The following CSMD2 variants were observed in gnomAD, a reference collection of about 807,000 sequenced individuals.
CSMD2 encodes the protein CUB and sushi domain-containing protein 2.
Under a neutral mutation model 398.5 loss-of-function variants are expected in CSMD2, and 130 were observed. That is an observed-to-expected ratio of 0.33 (90% CI 0.28 to 0.38). The LOEUF (loss-of-function observed/expected upper bound fraction) is 0.38. CSMD2 is among the 10% of genes least tolerant of loss of function. The pLI is 1.00. For missense variants in CSMD2, 3,829 were observed against 4,764.9 expected (o/e 0.80, Z 5.78); for synonymous variants, 1,828 against 1,908.5 (o/e 0.96, Z 1.10).
Position 33,772,705 on chromosome 1 carries a change from G to T in CSMD2, c.1710C>A (p.Gly570=). The T allele has an allele frequency of 1.2e-6, 2 of 1,614,040 alleles. No homozygotes were observed. The highest frequency in any genetic ancestry group is 8.5e-7 in the Non-Finnish European group (1 of 1,179,970). ...SCGDPGIPAY[G]RREGSRFHHG... is the part of the protein sequence containing the mutation. ...GGTGAAACCGGGAGCCTTCCCTCCGGCCATATGCAGGTATGCCAGGGTCAC... is the reference window on the plus strand; with the variant it reads ...GGTGAAACCGGGAGCCTTCCCTCCGTCCATATGCAGGTATGCCAGGGTCAC... Residue 570 remains glycine (G), a synonymous_variant, in exon 13 of 71, where the codon GGC becomes GGA. Coordinates refer to ENST00000373381, the MANE Select transcript of CSMD2 (RefSeq NM_001281956.2).
At chr1:33,688,504 A>C (rs1645129576) in intron 25 of CSMD2, among the ~76,000 whole-genome samples, 1 of 152,150 alleles carries the variant, frequency 6.6e-6, no homozygotes, top group Admixed American at 6.5e-5. Flanking sequence ...CGAGTTTATA[A>C]ATTTGTTTAA....
chr1:33,762,993 T>C (rs1650021270), intron 13 of CSMD2, among the ~76,000 whole-genome samples: 1 of 152,126 alleles, frequency 6.6e-6, no homozygotes, highest in African/African-American at 2.4e-5. Flanking sequence ...GAGGTCAACA[T>C]CCCACGGACC....
At chr1:33,956,762 A>G (rs548739284) in intron 3 of CSMD2, among the ~76,000 whole-genome samples, 1 of 152,104 alleles carries the variant, frequency 6.6e-6, no homozygotes, top group East Asian at 1.9e-4. Flanking sequence ...GGTCTAACTG[A>G]GCTCCCTGAT....
At chr1:33,616,652 G>A (rs559746322) in intron 39 of CSMD2, among the ~76,000 whole-genome samples, 4 of 152,296 alleles carry the variant, frequency 2.6e-5, no homozygotes, top group South Asian at 2.1e-4. Flanking sequence ...GAGCCAGAAC[G>A]GTCATCATCA....
At chr1:33,816,244 G>A (rs552943389) in intron 9 of CSMD2, among the ~76,000 whole-genome samples, 1 of 152,306 alleles carries the variant, frequency 6.6e-6, no homozygotes, top group African/African-American at 2.4e-5. Context: ...ATATATATAA[G>A]TTCCTGTTAA....
At chr1:34,101,979 T>C (rs1659991807) in intron 1 of CSMD2, among the ~76,000 whole-genome samples, 1 of 152,196 alleles carries the variant, frequency 6.6e-6, no homozygotes. Context: ...TATTGTTTTC[T>C]ACCTGGTTGT....
chr1:34,057,992 C>T (rs774863948), intron 2 of CSMD2, among the ~76,000 whole-genome samples: 1 of 152,124 alleles, frequency 6.6e-6, no homozygotes, highest in Non-Finnish European at 1.5e-5. Context: ...CTTGGCTTCT[C>T]CTGGCCTGAA....
chr1:33,615,931 G>A (rs983803387), intron 39 of CSMD2, among the ~76,000 whole-genome samples: 5 of 152,214 alleles, frequency 3.3e-5, no homozygotes, highest in South Asian at 2.1e-4. Flanking sequence ...TTAGGTTTCC[G>A]TTCCTGACTC....
intron 52 of CSMD2, among the ~76,000 whole-genome samples, chr1:33,568,580 G>A (rs939411585): frequency 1.3e-5 from 2 of 152,190 alleles, no homozygotes; most frequent in Non-Finnish European, 1.5e-5. Context: ...AAACAACTAT[G>A]TAAAAACAGA....
chr1:33,637,482 T>A (rs1240761645), intron 29 of CSMD2, among the ~76,000 whole-genome samples: 1 of 152,174 alleles, frequency 6.6e-6, no homozygotes, highest in Non-Finnish European at 1.5e-5. Flanking sequence ...AAGTCCCAAA[T>A]CTCTGGAGTA....
Position 33,611,067 on chromosome 1 carries a change from C to T in CSMD2, c.6317G>A (p.Arg2106Gln), listed in dbSNP as rs142970674. 6.8e-4 allele frequency: 1,095 copies of T among 1,613,886 alleles called. 3 individuals are homozygous for T. Among genetic ancestry groups the T allele is most frequent in the Middle Eastern group, 4.8e-3 (29 of 6,062 alleles). The change falls in exon 41 of 71, where the codon CGG becomes CAG. Residue 2106 changes from arginine to glutamine, a missense_variant. By Grantham distance (43) the Arg-to-Gln change is conservative. Around this residue, in one of 5 missense-constraint regions of CSMD2, gnomAD observed 2,001 missense variants for 2,567.1 expected, o/e 0.78. Transcript: ENST00000373381. ...VYFHSDHSQN[R>Q]PGFKLEYQAY... ...CTGATACTCCAGCTTGAATCCTGGC[C>T]GATTCTGGGAGTGGTCGCTGTGGAA...
chr1:34,158,472 C>A (rs75163396), intron 1 of CSMD2, among the ~76,000 whole-genome samples: 1 of 152,166 alleles, frequency 6.6e-6, no homozygotes. Flanking sequence ...CCTCCCTACC[C>A]TCCTGGATGA....
rs150259605 is a variant in CSMD2 at position 33,845,371 on chromosome 1, C to T, written c.1033+1513G>A. 1.8e-3 allele frequency among the ~76,000 whole-genome samples: 272 copies of T among 152,314 alleles called. 2 individuals are homozygous for T. Among genetic ancestry groups the T allele is most frequent in the African/African-American group, 6.1e-3 (254 of 41,570 alleles). ...GGCAATGTACATACAGTGCCTAGCA[C>T]GGGGCCTGGTGTGCACAGATGTGGA... On this transcript the variant is annotated intron_variant, in intron 6 of 70. Coordinates refer to ENST00000373381, the MANE Select transcript of CSMD2 (RefSeq NM_001281956.2).
chr1:34,090,754 T>A (rs529266330), intron 1 of CSMD2, among the ~76,000 whole-genome samples: 13 of 152,348 alleles, frequency 8.5e-5, no homozygotes, highest in Non-Finnish European at 1.3e-4. Context: ...GCCAATCTGT[T>A]CTTCACACTG....
chr1:33,559,492 AT>A lies in CSMD2; in HGVS notation c.8381-20del, dbSNP rs764923020. On this transcript the variant is annotated intron_variant, in intron 53 of 70. Transcript: ENST00000373381. This position sits in a 1 kb window ranked among gnomAD's most constrained non-coding sequence, Gnocchi z 4.0. ...GTAATTGCTGTAACCAAAACAGAAG[AT>A]AGGTAAGCCCTCCTACTATTCCACA... 3.0e-5 allele frequency: 46 copies of A among 1,535,422 alleles called. No homozygotes were observed. Among genetic ancestry groups the A allele is most frequent in the Non-Finnish European group, 1.7e-6 (2 of 1,146,450 alleles).
chr1:34,077,791 G>A (rs868844062), intron 2 of CSMD2, among the ~76,000 whole-genome samples: 1 of 150,524 alleles, frequency 6.6e-6, no homozygotes, highest in Non-Finnish European at 1.5e-5. Flanking sequence ...CAAAAGGGAG[G>A]AGTTTGGGAG....
intron 39 of CSMD2, among the ~76,000 whole-genome samples, chr1:33,616,398 T>A (rs75987264): frequency 0.024 from 3,592 of 152,230 alleles, 140 homozygotes; most frequent in African/African-American, 0.076. Context: ...CCACCACATC[T>A]GCCTAATTTT....
chr1:33,764,628 A>G (rs1392110344), intron 13 of CSMD2, among the ~76,000 whole-genome samples: 1 of 152,252 alleles, frequency 6.6e-6, no homozygotes, highest in Non-Finnish European at 1.5e-5. Context: ...GGGGAATGTT[A>G]CATTAAGCAG....
intron 1 of CSMD2, among the ~76,000 whole-genome samples, chr1:34,159,340 C>CCCCG (rs1557450794): frequency 8.9e-5 from 11 of 124,138 alleles, no homozygotes; most frequent in Admixed American, 1.6e-4. Flanking sequence ...CCCCCCCCCA[C>CCCCG]CCAGGAGCTT....
Sources: allele counts gnomAD v4.1 joint callset (sites outside exome capture counted in the v4.1 genomes callset), GRCh38; gene constraint gnomAD v4.1.1; regional missense constraint gnomAD v4.1.1; non-coding constraint Gnocchi (gnomAD v3.1); transcripts MANE v1.5; gene names NCBI Gene and HGNC (gene_info 2026-07-23, HGNC 2026-07-21).